SEL1L2: variants seen among roughly 807,000 people sequenced by gnomAD.
The protein encoded by SEL1L2 is SEL1L2 adaptor subunit of SYVN1 ubiquitin ligase.
Under a neutral mutation model 98.8 loss-of-function variants are expected in SEL1L2, and 89 were observed. The observed-to-expected ratio is 0.90, with a 90% CI of 0.76 to 1.07. The LOEUF (loss-of-function observed/expected upper bound fraction) is 1.07, where lower values mean the gene tolerates loss of function less well. Ranked by LOEUF, SEL1L2 falls within the 50% of genes least tolerant of loss-of-function variation. The probability of loss-of-function intolerance (pLI) is 0.00; values close to 1 mark genes in which losing one functional copy is unlikely to be tolerated. For synonymous variants in SEL1L2, 262 were observed against 278.5 expected (o/e 0.94, Z 0.59); for missense variants, 788 against 812.0 (o/e 0.97, Z 0.36).
At chr20:13,890,533 T>G (rs1188299272) in intron 5 of SEL1L2, among the ~76,000 whole-genome samples, 2 of 152,180 alleles carry the variant, frequency 1.3e-5, no homozygotes, top group Non-Finnish European at 2.9e-5. Flanking sequence ...CATACGAAGC[T>G]AGTCTATAAA....
At chr20:13,953,543 C>T (rs1448710256) in intron 2 of SEL1L2, among the ~76,000 whole-genome samples, 1 of 152,154 alleles carries the variant, frequency 6.6e-6, no homozygotes, top group Non-Finnish European at 1.5e-5. Flanking sequence ...GTAAAAGGGT[C>T]CCTGGAGAAA....
At chr20:13,906,781 CCA>C (rs2047948956) in intron 5 of SEL1L2, among the ~76,000 whole-genome samples, 1 of 152,120 alleles carries the variant, frequency 6.6e-6, no homozygotes, top group Non-Finnish European at 1.5e-5. Context: ...CAGGTTCCCG[CCA>C]TTCTCCTGCC....
At chr20:13,874,175 G>C (rs1402875466) in intron 12 of SEL1L2, among the ~76,000 whole-genome samples, 1 of 152,272 alleles carries the variant, frequency 6.6e-6, no homozygotes, top group Admixed American at 6.5e-5. Flanking sequence ...TCCAACATGG[G>C]CACAACGTCA....
At chr20:13,994,032 T>C (rs1025806476), upstream of SEL1L2, among the ~76,000 whole-genome samples, 1 of 152,026 alleles carries the variant, frequency 6.6e-6, no homozygotes. Context: ...AAAAACAGGC[T>C]GGGCACGGTG....
Position 13,865,411 on chromosome 20 carries a change from G to C in SEL1L2, c.1508C>G (p.Ala503Gly), listed in dbSNP as rs1990833306. The change falls in exon 16 of 20, where the codon GCA (alanine) becomes GGA (glycine). Residue 503 changes from alanine to glycine, a missense_variant. Coordinates refer to ENST00000284951, the MANE Select transcript of SEL1L2 (RefSeq NM_025229.2). ...GDIDSSLVQY[A>G]LLAEMGYEVA... ...TTCATACCCCATTTCTGCAAGCAGTGCATACTGAACAAGAGAAGAATCTAT... is the reference window on the plus strand; with the variant it reads ...TTCATACCCCATTTCTGCAAGCAGTCCATACTGAACAAGAGAAGAATCTAT... 4 of 1,613,936 alleles carry C rather than the reference G, an allele frequency of 2.5e-6. No individual in the cohort carries two copies. In the African/African-American group the frequency reaches 4.0e-5, roughly 16 times the overall value.
rs2147763859 is a variant in SEL1L2, at chr20:13,859,260, A to T, written c.1818+2T>A. The T allele has an allele frequency of 6.2e-7, 1 of 1,613,548 alleles. No homozygotes were observed. The highest frequency in any genetic ancestry group is 1.7e-5 in the Admixed American group (1 of 59,970). The stretch of plus-strand genomic sequence containing the variant: ...GGTTTGAATTATTACCAGCAAAATT[A>T]CCTTTGTGATGCCTAAGCCGTGTTC... On this transcript the variant is annotated splice_donor_variant, in intron 18 of 19. Coordinates refer to ENST00000284951, the MANE Select transcript of SEL1L2 (RefSeq NM_025229.2). LOFTEE classifies it high-confidence loss of function.
At chr20:13,915,008 G>C in intron 4 of SEL1L2, 4 of 889,096 alleles carry the variant, frequency 4.5e-6, no homozygotes, top group Non-Finnish European at 6.0e-6. Context: ...TCGTTTTGAA[G>C]GTAAAGACCA....
chr20:13,955,027 A>C (rs2050459978), intron 2 of SEL1L2, among the ~76,000 whole-genome samples: 1 of 152,202 alleles, frequency 6.6e-6, no homozygotes, highest in Admixed American at 6.5e-5. Flanking sequence ...AATATTTCTC[A>C]GTTTACTTCC....
chr20:13,971,719 G>A (rs372735879), intron 1 of SEL1L2, among the ~76,000 whole-genome samples: 29 of 152,228 alleles, frequency 1.9e-4, no homozygotes, highest in African/African-American at 6.5e-4. Context: ...ACAGGCGTGA[G>A]CCACCGTGCC....
At chr20:13,861,919 A>T (rs1422692664) in intron 17 of SEL1L2, among the ~76,000 whole-genome samples, 1 of 152,126 alleles carries the variant, frequency 6.6e-6, no homozygotes, top group African/African-American at 2.4e-5. Flanking sequence ...GCCGTCTCCG[A>T]CTACCTTGTC....
At chr20:13,917,802 T>C (rs1388103992) in intron 4 of SEL1L2, among the ~76,000 whole-genome samples, 1 of 126,462 alleles carries the variant, frequency 7.9e-6, no homozygotes, top group East Asian at 2.2e-4. Context: ...TTTTTTTTTT[T>C]TTTTTTTTTT....
chr20:13,887,986 T>C lies in SEL1L2; in HGVS notation c.619A>G (p.Thr207Ala), dbSNP rs563697146. ...YDQAKALIYY[T>A]FGSAGGNMMS... ...ATGTTTCCTCCAGCACTTCCAAAGG[T>C]GTAATATATCAGTGCCTAAAGTAAA... The change falls in exon 7 of 20, where the codon ACC becomes GCC. Residue 207 changes from threonine to alanine, a missense_variant. Thr to Ala is a moderately conservative substitution (Grantham distance 58, BLOSUM62 0). Coordinates refer to ENST00000284951, the MANE Select transcript of SEL1L2 (RefSeq NM_025229.2). 1 of 1,613,606 alleles carries C rather than the reference T, an allele frequency of 6.2e-7. No homozygotes were observed. Among genetic ancestry groups the C allele is most frequent in the South Asian group, 1.1e-5 (1 of 91,044 alleles).
At chr20:13,939,461 T>C (rs2049641041) in intron 2 of SEL1L2, among the ~76,000 whole-genome samples, 2 of 152,166 alleles carry the variant, frequency 1.3e-5, no homozygotes, top group African/African-American at 4.8e-5. Context: ...TGAACAGCAA[T>C]TTTAGCATAT....
At chr20:13,862,143 G>T (rs1990241537) in intron 17 of SEL1L2, among the ~76,000 whole-genome samples, 1 of 152,164 alleles carries the variant, frequency 6.6e-6, no homozygotes, top group Admixed American at 6.5e-5. Context: ...CATATAGAAT[G>T]AATGGATGGA....
intron 14 of SEL1L2, among the ~76,000 whole-genome samples, chr20:13,868,898 TCTTA>T (rs1488277354): frequency 4.6e-5 from 7 of 152,088 alleles, no homozygotes; most frequent in Non-Finnish European, 1.0e-4. Flanking sequence ...ACGCCCGGCC[TCTTA>T]CTTGTTTTTT....
At chr20:13,962,811 A>G (rs2050840275) in intron 1 of SEL1L2, among the ~76,000 whole-genome samples, 4 of 152,198 alleles carry the variant, frequency 2.6e-5, no homozygotes, top group Non-Finnish European at 5.9e-5. Context: ...CATGCCTGTA[A>G]TCCCAGCACT....
rs780695845 is a variant in SEL1L2 at position 13,865,211 on chromosome 20, ATCT to A, written c.1598_1600del (p.Lys533del). ...CCATAGGAGAAGCGCCATTGGATAC[ATCT>A]TCTCTTTTTCAAGAATGTTAGCCTT... On this transcript the variant is annotated inframe_deletion, in exon 17 of 20. Transcript: ENST00000284951. 2 of 1,613,816 alleles carry A rather than the reference ATCT, an allele frequency of 1.2e-6. No individual in the cohort carries two copies. Among genetic ancestry groups the A allele is most frequent in the Non-Finnish European group, 1.7e-6 (2 of 1,179,770 alleles).
At chr20:13,949,737 C>A (rs1294873409) in intron 2 of SEL1L2, among the ~76,000 whole-genome samples, 1 of 150,118 alleles carries the variant, frequency 6.7e-6, no homozygotes, top group African/African-American at 2.4e-5. Context: ...GACATTAGAA[C>A]ACTTGTGGAC....
At chr20:13,952,706 C>A (rs1247097970) in intron 2 of SEL1L2, among the ~76,000 whole-genome samples, 1 of 152,066 alleles carries the variant, frequency 6.6e-6, no homozygotes, top group Non-Finnish European at 1.5e-5. Context: ...CTTTTGAATG[C>A]ATCCTGAACC....
Sources: gnomAD v4.1 joint callset for allele counts (sites outside exome capture counted in the v4.1 genomes callset) on GRCh38, gnomAD v4.1.1 for gene constraint, MANE v1.5 for transcripts, NCBI Gene and HGNC (gene_info 2026-07-23, HGNC 2026-07-21) for gene names.